Variants in ATXN2 observed in about 807,000 individuals in gnomAD.
The protein encoded by ATXN2 is ataxin-2.
A neutral mutation model predicts 138.6 loss-of-function variants in ATXN2; 37 were observed. The ratio of observed to expected loss-of-function variants is 0.27; its 90% confidence interval spans 0.21 to 0.35. ATXN2 has a LOEUF of 0.35. Ranked by LOEUF, ATXN2 falls within the 10% of genes least tolerant of loss-of-function variation. The probability of loss-of-function intolerance (pLI) is 1.00; values close to 1 mark genes in which losing one functional copy is unlikely to be tolerated. For synonymous variants in ATXN2, 549 were observed against 543.7 expected (o/e 1.01, Z -0.13); for missense variants, 1,216 against 1,480.3 (o/e 0.82, Z 2.93).
chr12:111,452,227 CTTTT>C lies in ATXN2; in HGVS notation c.*581_*584del, dbSNP rs762184183. Reference sequence around the variant, plus strand: ...ACACTAACTTGATCAGTTTTTAAAACTTTTTTTATTTTTTAAATTTTTTTTAAGT... The same window carrying C: ...ACACTAACTTGATCAGTTTTTAAAACTTTATTTTTTAAATTTTTTTTAAGT... On this transcript the variant is annotated 3_prime_UTR_variant, in exon 25 of 25. Coordinates refer to ENST00000673436, the MANE Select transcript of ATXN2 (RefSeq NM_001372574.1). 8 of 152,382 alleles carry C rather than the reference CTTTT, an allele frequency of 5.2e-5. No individual in the cohort carries two copies. Among genetic ancestry groups the C allele is most frequent in the South Asian group, 2.1e-4 (1 of 4,820 alleles). The allele number at this position is 152,382 out of a possible 1,614,324, so 9.4% of individuals were successfully genotyped here. A position where few individuals can be genotyped will look rare whatever the true frequency, so the allele number is the denominator to read the frequency against.
intron 14 of ATXN2, among the ~76,000 whole-genome samples, chr12:111,500,623 C>T (rs946001522): frequency 6.6e-6 from 1 of 152,176 alleles, no homozygotes; most frequent in Non-Finnish European, 1.5e-5. Flanking sequence ...GCCTGCAACC[C>T]CAGCACTTTG....
rs1355291858 is a variant in ATXN2 at position 111,510,565 on chromosome 12, T to C, written c.1576A>G (p.Lys526Glu). 11 of 1,610,902 alleles carry C rather than the reference T, an allele frequency of 6.8e-6. No homozygotes were observed. The highest frequency in any genetic ancestry group is 8.5e-6 in the Non-Finnish European group (10 of 1,178,014). The stretch of plus-strand genomic sequence containing the variant: ...CTGGGAGACCTGGGTCTATGAGTTT[T>C]AGGGGATAATCTTGGAACTAGAAGA... ...VVSGVPRLSPKTHRPRSPRQN... is the reference protein window; with the variant it reads ...VVSGVPRLSPETHRPRSPRQN... The change falls in exon 12 of 25, where the codon AAA (lysine) becomes GAA (glutamate). Residue 526 changes from lysine (K) to glutamate (E), a missense_variant. Physicochemically the swap from Lys to Glu is moderately conservative, Grantham distance 56 (BLOSUM62 1). This residue lies in a region of ATXN2 where 215 missense variants were observed against 210.0 expected (regional missense o/e 1.02). Coordinates refer to ENST00000673436, the MANE Select transcript of ATXN2 (RefSeq NM_001372574.1).
At chr12:111,477,371 T>C (rs889492714) in intron 18 of ATXN2, among the ~76,000 whole-genome samples, 1 of 151,230 alleles carries the variant, frequency 6.6e-6, no homozygotes, top group South Asian at 2.1e-4. Flanking sequence ...AGAAAAAAAA[T>C]AAAGCCACCA....
chr12:111,488,171 T>C (rs536661749), intron 15 of ATXN2, among the ~76,000 whole-genome samples: 64 of 152,354 alleles, frequency 4.2e-4, no homozygotes, highest in African/African-American at 1.4e-3. Flanking sequence ...CCAGTAAAGA[T>C]AGGTCCCCTG....
intron 1 of ATXN2, among the ~76,000 whole-genome samples, chr12:111,581,947 TAAA>T (rs372364208): frequency 7.3e-6 from 1 of 136,990 alleles, no homozygotes; most frequent in African/African-American, 2.7e-5. Context: ...GTTTCTGGTT[TAAA>T]AAAAAAAAAA....
intron 6 of ATXN2, among the ~76,000 whole-genome samples, chr12:111,523,206 T>C (rs1258477917): frequency 6.7e-6 from 1 of 149,618 alleles, no homozygotes; most frequent in African/African-American, 2.5e-5. Flanking sequence ...GAGGTTGCAG[T>C]GTGACAGAGC....
At chr12:111,508,441 CTTT>C (rs66643315) in intron 14 of ATXN2, among the ~76,000 whole-genome samples, 4 of 85,638 alleles carry the variant, frequency 4.7e-5, no homozygotes, top group Admixed American at 1.5e-4. Context: ...AATTGAAAAA[CTTT>C]TTTTTTTTTT....
At chr12:111,559,059 A>G (rs1011418338) in intron 1 of ATXN2, among the ~76,000 whole-genome samples, 3 of 152,060 alleles carry the variant, frequency 2.0e-5, no homozygotes, top group African/African-American at 7.2e-5. Context: ...GGAAGAATAT[A>G]TTAACTGATA....
At chr12:111,587,073 C>CA (rs374631048) in intron 1 of ATXN2, among the ~76,000 whole-genome samples, 71,249 of 112,600 alleles carry the variant, frequency 0.63, 24,740 homozygotes, top group Non-Finnish European at 0.8. Context: ...CCATTTCTAC[C>CA]AAAAAAAAAA....
At chr12:111,577,132 A>G (rs1398809582) in intron 1 of ATXN2, among the ~76,000 whole-genome samples, 1 of 151,680 alleles carries the variant, frequency 6.6e-6, no homozygotes, top group Non-Finnish European at 1.5e-5. Flanking sequence ...ATAACTTACT[A>G]AGCATACAAA....
chr12:111,485,792 T>G lies in ATXN2; in HGVS notation c.2378A>C (p.Gln793Pro). 6.2e-7 allele frequency: 1 copy of G among 1,614,198 alleles called. No homozygotes were observed. The highest frequency in any genetic ancestry group is 8.5e-7 in the Non-Finnish European group (1 of 1,180,030). ...AGGCTGAGTATAAACTGGAGTTGGCTGTTGATGACCCACCATAGATGGGCT... is the reference window on the plus strand; with the variant it reads ...AGGCTGAGTATAAACTGGAGTTGGCGGTTGATGACCCACCATAGATGGGCT... ...QPSPSMVGHQ[Q>P]PTPVYTQPVC... The change falls in exon 17 of 25, where the codon CAG becomes CCG. Residue 793 changes from glutamine (Q) to proline (P), a missense_variant. Around this residue, in one of 4 missense-constraint regions of ATXN2, gnomAD observed 490 missense variants for 653.5 expected, o/e 0.75. Coordinates refer to ENST00000673436, the MANE Select transcript of ATXN2 (RefSeq NM_001372574.1).
chr12:111,477,818 T>C (rs1041574306), intron 18 of ATXN2, among the ~76,000 whole-genome samples: 1 of 152,060 alleles, frequency 6.6e-6, no homozygotes, highest in Non-Finnish European at 1.5e-5. Flanking sequence ...AGTGCAGTAG[T>C]GCAATCTCAG....
chr12:111,496,513 G>A (rs1878431099), intron 14 of ATXN2, among the ~76,000 whole-genome samples: 1 of 152,026 alleles, frequency 6.6e-6, no homozygotes, highest in Admixed American at 6.6e-5. Context: ...TCCAGCATGG[G>A]TGACAGAGCG....
At chr12:111,582,947 C>T in intron 1 of ATXN2, among the ~76,000 whole-genome samples, 1 of 149,556 alleles carries the variant, frequency 6.7e-6, no homozygotes, top group East Asian at 2.0e-4. Flanking sequence ...GGATTACAGG[C>T]ACGAGCCACC....
chr12:111,477,977 T>G (rs77096515), intron 18 of ATXN2, among the ~76,000 whole-genome samples: 1 of 151,920 alleles, frequency 6.6e-6, no homozygotes, highest in South Asian at 2.1e-4. Context: ...TTTTTTTTTT[T>G]GCAAAGACAG....
intron 5 of ATXN2, among the ~76,000 whole-genome samples, chr12:111,529,166 A>G (rs556931276): frequency 6.6e-6 from 1 of 152,294 alleles, no homozygotes; most frequent in Non-Finnish European, 1.5e-5. Flanking sequence ...TAAATAGTAC[A>G]ATGTTGTAAC....
At chr12:111,481,302 T>G (rs1041775354) in intron 18 of ATXN2, among the ~76,000 whole-genome samples, 3 of 151,854 alleles carry the variant, frequency 2.0e-5, no homozygotes, top group African/African-American at 2.4e-5. Context: ...AAAATTAGCC[T>G]GGTGTGGTGG....
chr12:111,511,513 G>C (rs1879516270), intron 11 of ATXN2: 1 of 148,570 alleles, frequency 6.7e-6, no homozygotes, highest in Admixed American at 6.7e-5. Context: ...AGGCTGGAGT[G>C]CAGTGGCGCG....
intron 5 of ATXN2, among the ~76,000 whole-genome samples, chr12:111,541,844 T>C (rs1881539709): frequency 6.8e-6 from 1 of 147,154 alleles, no homozygotes; most frequent in Non-Finnish European, 1.5e-5. Context: ...GAGTGCAATC[T>C]CAGCTCACTG....
Sources: allele counts gnomAD v4.1 joint callset (sites outside exome capture counted in the v4.1 genomes callset), GRCh38; gene constraint gnomAD v4.1.1; regional missense constraint gnomAD v4.1.1; transcripts MANE v1.5; gene names NCBI Gene and HGNC (gene_info 2026-07-23, HGNC 2026-07-21).